Variants in PHACTR2 observed in about 807,000 individuals in gnomAD.
PHACTR2 encodes chromosome 6 open reading frame 56.
Under a neutral mutation model 76.0 loss-of-function variants are expected in PHACTR2, and 30 were observed. That is an observed-to-expected ratio of 0.39 (90% CI 0.30 to 0.54). The LOEUF (loss-of-function observed/expected upper bound fraction) is 0.54, where lower values mean the gene tolerates loss of function less well. Ranked by LOEUF, PHACTR2 falls within the 20% of genes least tolerant of loss-of-function variation. The probability of loss-of-function intolerance (pLI) is 0.61; values close to 1 mark genes in which losing one functional copy is unlikely to be tolerated. For synonymous variants in PHACTR2, 292 were observed against 292.5 expected (o/e 1.00, Z 0.02); for missense variants, 696 against 781.1 (o/e 0.89, Z 1.30).
Position 143,767,591 on chromosome 6 carries a change from T to TG in PHACTR2, c.1232+1795dup, listed in dbSNP as rs1779588266. ...GGGTAATTTATAATGATTAGAATAT[T>TG]GGCTTACAGTCCTAGGGGCTGAGAA... On this transcript the variant is annotated intron_variant, in intron 6 of 12. Transcript: ENST00000440869. This position sits in a 1 kb window ranked among gnomAD's most constrained non-coding sequence, Gnocchi z 4.4. Among the ~76,000 whole-genome samples, 1 of 152,176 alleles carries TG rather than the reference T, an allele frequency of 6.6e-6. No homozygotes were observed. Among genetic ancestry groups the TG allele is most frequent in the Non-Finnish European group, 1.5e-5 (1 of 68,032 alleles).
chr6:143,723,917 G>A (rs1041162785), intron 2 of PHACTR2, among the ~76,000 whole-genome samples: 2 of 151,594 alleles, frequency 1.3e-5, no homozygotes, highest in Admixed American at 6.6e-5. Flanking sequence ...ATTTCTTTTT[G>A]TGTGGCTTTC....
Position 143,679,425 on chromosome 6 carries a change from C to T in PHACTR2, c.46+1216C>T, listed in dbSNP as rs1050197682. Among the ~76,000 whole-genome samples the T allele has an allele frequency of 6.6e-6, 1 of 152,022 alleles. No homozygotes were observed. Among genetic ancestry groups the T allele is most frequent in the African/African-American group, 2.4e-5 (1 of 41,386 alleles). On this transcript the variant is annotated intron_variant, in intron 1 of 12. Coordinates refer to ENST00000440869, the MANE Select transcript of PHACTR2 (RefSeq NM_001100164.2). This position sits in a 1 kb window ranked among gnomAD's most constrained non-coding sequence, Gnocchi z 4.6. The stretch of plus-strand genomic sequence containing the variant: ...TTGACAGCTTTTTGAGAGATATTTG[C>T]GGGGAGGGGTTGAGTAGGATTTTAA...
rs539465352 is a variant in PHACTR2, at chr6:143,702,261, C to T, written c.47-9755C>T. ...TAGCTGGGACTACAGGTGCGCACCACGACAGCTAGCTAATTTTTTGTATTT... is the reference window on the plus strand; with the variant it reads ...TAGCTGGGACTACAGGTGCGCACCATGACAGCTAGCTAATTTTTTGTATTT... On this transcript the variant is annotated intron_variant, in intron 1 of 12. Transcript: ENST00000440869. Among the ~76,000 whole-genome samples the T allele has an allele frequency of 5.1e-4, 78 of 151,770 alleles. 1 individual carries two copies. Among genetic ancestry groups the T allele is most frequent in the African/African-American group, 1.5e-3 (63 of 41,380 alleles).
rs538068677 is a variant in PHACTR2, at chr6:143,663,151, T to C, written c.14-48865T>C. 1.4e-4 allele frequency among the ~76,000 whole-genome samples: 21 copies of C among 152,332 alleles called. No homozygotes were observed. In the East Asian group the frequency reaches 3.1e-3, roughly 22 times the overall value. On this transcript the variant is annotated intron_variant, in intron 1 of 11. Transcript: ENST00000305766. This position sits in a 1 kb window ranked among gnomAD's most constrained non-coding sequence, Gnocchi z 4.1. ...GGTTGATTCCATGTCTCTGCTATTG[T>C]GAATAGCACAGTGATGAACGTACGA...
intron 2 of PHACTR2, among the ~76,000 whole-genome samples, chr6:143,747,169 A>C (rs978325592): frequency 6.6e-6 from 1 of 152,216 alleles, no homozygotes; most frequent in African/African-American, 2.4e-5. Context: ...AGGAGGAAAC[A>C]GAGATTCCAT....
rs1482524059 is a variant in PHACTR2, at chr6:143,700,541, G to A, written c.47-11475G>A. Among the ~76,000 whole-genome samples, 2 of 152,156 alleles carry A rather than the reference G, an allele frequency of 1.3e-5. No individual in the cohort carries two copies. Among genetic ancestry groups the A allele is most frequent in the African/African-American group, 2.4e-5 (1 of 41,432 alleles). On this transcript the variant is annotated intron_variant, in intron 1 of 12. Transcript: ENST00000440869. The surrounding 1 kb of genome is among the most constrained non-coding windows in gnomAD (Gnocchi z 4.1). ...CTGCACTCCATCTGGGTGACAGAAC[G>A]AGACTCCATTGATTGGGGGCAGTGG...
chr6:143,789,677 T>A lies in PHACTR2; in HGVS notation c.1845+767T>A, dbSNP rs1354061715. Among the ~76,000 whole-genome samples, 1 of 152,230 alleles carries A rather than the reference T, an allele frequency of 6.6e-6. No homozygotes were observed. On this transcript the variant is annotated intron_variant, in intron 11 of 12. Transcript: ENST00000440869. This position sits in a 1 kb window ranked among gnomAD's most constrained non-coding sequence, Gnocchi z 5.1. ...AACTCGTGCTATACCCAGTTTTTTT[T>A]AATCATAAGTACTTTTGCTTAAACA...
intron 2 of PHACTR2, among the ~76,000 whole-genome samples, chr6:143,740,757 T>A (rs1778923238): frequency 6.6e-6 from 1 of 152,198 alleles, no homozygotes; most frequent in African/African-American, 2.4e-5. Context: ...TGCTGTCTGC[T>A]TTCTTAAGAA....
chr6:143,798,409 G>T (rs1235972617), intron 11 of PHACTR2, among the ~76,000 whole-genome samples: 1 of 152,068 alleles, frequency 6.6e-6, no homozygotes, highest in South Asian at 2.1e-4. Context: ...TTGCCTGATT[G>T]CCCTGGCCAG....
At position 143,698,971 on chromosome 6, in the gene PHACTR2, C is replaced by G. The variant is rs1442212016; in HGVS notation, c.47-13045C>G. On this transcript the variant is annotated intron_variant, in intron 1 of 12. Transcript: ENST00000440869. This position sits in a 1 kb window ranked among gnomAD's most constrained non-coding sequence, Gnocchi z 4.3. ...TCTCTTCAATGGTGGCTCTGTTGTC[C>G]TTTACCTCTCCTATCACAGGGGGCG... Among the ~76,000 whole-genome samples, 1 of 152,152 alleles carries G rather than the reference C, an allele frequency of 6.6e-6. No individual in the cohort carries two copies. The highest frequency in any genetic ancestry group is 1.5e-5 in the Non-Finnish European group (1 of 68,030).
chr6:143,605,004 T>C (rs1049277153), upstream of PHACTR2, among the ~76,000 whole-genome samples: 7 of 151,406 alleles, frequency 4.6e-5, no homozygotes, highest in African/African-American at 1.7e-4. The surrounding 1 kb of genome is among the most constrained non-coding windows in gnomAD (Gnocchi z 5.0). Flanking sequence ...TTTTTTTTTT[T>C]GTAGAAAGAT....
chr6:143,638,108 TTGA>T (rs1776495263), intron 1 of PHACTR2, among the ~76,000 whole-genome samples: 1 of 152,212 alleles, frequency 6.6e-6, no homozygotes. Flanking sequence ...TAGTGTGTAG[TTGA>T]TGAATTATTT....
intron 1 of PHACTR2, among the ~76,000 whole-genome samples, chr6:143,701,069 T>C (rs1202936926): frequency 1.3e-5 from 2 of 152,372 alleles, no homozygotes; most frequent in African/African-American, 4.8e-5. Flanking sequence ...TCAGAATTTC[T>C]GTAAACCCCA....
In PHACTR2 at chr6:143,562,604, AGTGTGACTCTGAGT is replaced by A. The variant is rs1437871612; in HGVS notation, c.217+25398_217+25411del. On this transcript the variant is annotated intron_variant, in intron 1 of 11. Transcript: ENST00000367584. The surrounding 1 kb of genome is among the most constrained non-coding windows in gnomAD (Gnocchi z 5.1). ...AACTATATCACTTGACTGCCTCTCC[AGTGTGACTCTGAGT>A]TTCAAGGGTAATAATCCTGTCTTAA... Among the ~76,000 whole-genome samples the A allele has an allele frequency of 2.0e-5, 3 of 152,156 alleles. No homozygotes were observed. Among genetic ancestry groups the A allele is most frequent in the Admixed American group, 6.5e-5 (1 of 15,282 alleles).
chr6:143,699,143 T>C (rs1777840189), intron 1 of PHACTR2, among the ~76,000 whole-genome samples: 1 of 152,160 alleles, frequency 6.6e-6, no homozygotes, highest in African/African-American at 2.4e-5. Context: ...GGTCATTTCC[T>C]CATATTCACT....
chr6:143,583,063 T>C lies in PHACTR2; in HGVS notation c.217+45856T>C, dbSNP rs1472271208. ...TCATAATGAGTCTTTCTATTTTGGA[T>C]ATGAAGACTTCTCAGAGAATTTAGA... On this transcript the variant is annotated intron_variant, in intron 1 of 11. Coordinates refer to the PHACTR2 transcript ENST00000367584. This position sits in a 1 kb window ranked among gnomAD's most constrained non-coding sequence, Gnocchi z 4.0. 2.6e-5 allele frequency among the ~76,000 whole-genome samples: 4 copies of C among 152,264 alleles called. No homozygotes were observed. Among genetic ancestry groups the C allele is most frequent in the African/African-American group, 9.6e-5 (4 of 41,472 alleles).
upstream of PHACTR2, among the ~76,000 whole-genome samples, chr6:143,604,228 G>T (rs1395791150): frequency 6.6e-6 from 1 of 152,092 alleles, no homozygotes; most frequent in Non-Finnish European, 1.5e-5. Context: ...AACTCAAAAG[G>T]TTGAAATAGT....
chr6:143,797,451 G>A lies in PHACTR2; in HGVS notation c.1845+8541G>A, dbSNP rs185938223. 7.9e-5 allele frequency among the ~76,000 whole-genome samples: 12 copies of A among 152,238 alleles called. No individual in the cohort carries two copies. In the South Asian group the frequency reaches 1.0e-3, roughly 13 times the overall value. On this transcript the variant is annotated intron_variant, in intron 11 of 12. Transcript: ENST00000440869. ...TTTGTCAATTTTGGCTTTTGTTGCC[G>A]TTTGCTTTTGGCGTTTTAGACATGA... is the stretch of plus-strand genomic sequence containing the variant.
At chr6:143,651,946 A>G (rs1021189552) in intron 1 of PHACTR2, among the ~76,000 whole-genome samples, 6 of 151,816 alleles carry the variant, frequency 4.0e-5, no homozygotes, top group Non-Finnish European at 8.8e-5. Context: ...GTGAGGACAT[A>G]GAGAAAAGGC....
Sources: allele counts gnomAD v4.1 joint callset (sites outside exome capture counted in the v4.1 genomes callset), GRCh38; gene constraint gnomAD v4.1.1; non-coding constraint Gnocchi (gnomAD v3.1); transcripts MANE v1.5; gene names NCBI Gene and HGNC (gene_info 2026-07-23, HGNC 2026-07-21).